The following OTUD5 variants were observed in gnomAD, a reference collection of about 807,000 sequenced individuals.
OTUD5 encodes the protein OTU deubiquitinase 5, also known as OTU domain-containing protein 5.
Under a neutral mutation model 36.3 loss-of-function variants are expected in OTUD5, and 2 were observed. The observed-to-expected ratio is 0.06, with a 90% CI of 0.02 to 0.17. The LOEUF is 0.17. OTUD5 is among the 10% of genes least tolerant of loss of function. The probability of loss-of-function intolerance (pLI) is 1.00; values close to 1 mark genes in which losing one functional copy is unlikely to be tolerated. For missense variants in OTUD5, 233 were observed against 512.3 expected, an observed-to-expected ratio of 0.45 and a Z score of 5.26; for synonymous variants, 234 against 214.9, an observed-to-expected ratio of 1.09 and a Z score of -0.78.
intron 5 of OTUD5, among the ~76,000 whole-genome samples, chrX:48,927,853 C>T (rs1381280370): frequency 8.9e-6 from 1 of 111,931 alleles, no homozygotes; most frequent in Non-Finnish European, 1.9e-5. Flanking sequence ...TTTCAGGTCA[C>T]CAGCCCCCAT....
chrX:48,923,560 T>G (rs1557046860), intron 8 of OTUD5, 73 bp downstream of exon 8: 4 of 793,246 alleles, frequency 5.0e-6, no homozygotes, highest in Non-Finnish European at 7.5e-6. Context: ...AAAGCCCCTC[T>G]CAGGACTTGC....
intron 2 of OTUD5, among the ~76,000 whole-genome samples, chrX:48,942,137 C>A (rs1557051197): frequency 1.8e-5 from 2 of 109,206 alleles, no homozygotes; most frequent in Non-Finnish European, 1.9e-5. Context: ...CACACACACA[C>A]AAATACTGCT....
intron 5 of OTUD5, among the ~76,000 whole-genome samples, chrX:48,932,565 G>A (rs957704825): frequency 9.0e-6 from 1 of 110,740 alleles, no homozygotes; most frequent in Admixed American, 9.6e-5. Context: ...CTGACCTCAG[G>A]AGATCCTCCC....
At chrX:48,932,525 C>T (rs970330020) in intron 5 of OTUD5, among the ~76,000 whole-genome samples, 2 of 110,196 alleles carry the variant, frequency 1.8e-5, no homozygotes, top group Admixed American at 1.9e-4. Flanking sequence ...AACAGGGTTT[C>T]ATCATGTTGG....
intron 2 of OTUD5, among the ~76,000 whole-genome samples, chrX:48,943,506 T>C (rs985273648): frequency 2.7e-5 from 3 of 111,241 alleles, no homozygotes; most frequent in Non-Finnish European, 5.7e-5. Context: ...GTGGGCGGGA[T>C]AGTGATGAAA....
chrX:48,949,574 A>G (rs1449267945), intron 1 of OTUD5, among the ~76,000 whole-genome samples: 3 of 111,789 alleles, frequency 2.7e-5, no homozygotes, highest in Non-Finnish European at 5.7e-5. Context: ...ACTACTCAGG[A>G]GGCTGAGGCA....
At chrX:48,952,571 G>A (rs1557054183) in intron 1 of OTUD5, among the ~76,000 whole-genome samples, 1 of 112,254 alleles carries the variant, frequency 8.9e-6, no homozygotes, top group East Asian at 2.8e-4. Flanking sequence ...AATCCCCAAA[G>A]GCCAAGGGGT....
Position 48,941,432 on chromosome X carries a change from CAAAAAAAAAAAAAAAAAAAAAAAAAA to C in OTUD5, c.688+2732_688+2757del, listed in dbSNP as rs200040194. Among the ~76,000 whole-genome samples the C allele has an allele frequency of 1.2e-3, 37 of 31,939 alleles. 2 individuals carry two copies. In the East Asian group the frequency reaches 0.037, roughly 32 times the overall value. The allele number at this position is 31,939 out of a possible 115,157, so 27.7% of individuals were successfully genotyped here. A position where few individuals can be genotyped will look rare whatever the true frequency, so the allele number is the denominator to read the frequency against. The stretch of plus-strand genomic sequence containing the variant: ...TGGGCGACAGAGGGAGACTCCATCT[CAAAAAAAAAAAAAAAAAAAAAAAAAA>C]AAAAAAAAAAAAGAATGCGTGTCCT... On this transcript the variant is annotated intron_variant, in intron 2 of 8. Coordinates refer to ENST00000376488, the MANE Select transcript of OTUD5 (RefSeq NM_001136157.2).
At chrX:48,949,084 G>A (rs1487526794) in intron 1 of OTUD5, among the ~76,000 whole-genome samples, 3 of 111,755 alleles carry the variant, frequency 2.7e-5, no homozygotes, top group Non-Finnish European at 5.6e-5. Context: ...CCCAATAATA[G>A]GGATGCTGGG....
At chrX:48,949,653 G>A (rs1319970217) in intron 1 of OTUD5, among the ~76,000 whole-genome samples, 1 of 111,101 alleles carries the variant, frequency 9.0e-6, no homozygotes, top group Admixed American at 9.6e-5. Context: ...ACTCCAGCCT[G>A]GGTGACACAG....
intron 6 of OTUD5, 138 bp downstream of exon 6, chrX:48,925,709 A>G (rs1348731401): frequency 4.0e-6 from 2 of 496,492 alleles, no homozygotes; most frequent in Non-Finnish European, 3.4e-6. Context: ...ACTAAGACCA[A>G]GATGAGTTAC....
intron 5 of OTUD5, among the ~76,000 whole-genome samples, chrX:48,932,547 T>C (rs1222276420): frequency 1.8e-5 from 2 of 110,758 alleles, no homozygotes; most frequent in Non-Finnish European, 3.8e-5. Flanking sequence ...CAGGCTGGTC[T>C]CGAACTCCTG....
intron 1 of OTUD5, among the ~76,000 whole-genome samples, chrX:48,956,767 A>T (rs1233984315): frequency 3.6e-5 from 4 of 111,322 alleles, no homozygotes; most frequent in African/African-American, 1.3e-4. Context: ...CGGATCTTTA[A>T]GTCTGACACC....
In OTUD5 at chrX:48,957,511, C is replaced by A; in HGVS notation, c.60G>T (p.Pro20=). 1 of 828,452 alleles carries A rather than the reference C, an allele frequency of 1.2e-6. No homozygotes were observed. The highest frequency in any genetic ancestry group is 1.5e-6 in the Non-Finnish European group (1 of 679,408). The allele number at this position is 828,452 out of a possible 1,213,427, so 68.3% of individuals were successfully genotyped here. ...PPPDADPANE[P]PPPGPMPPAP... ...CCGGGGGCATCGGCCCGGGCGGCGG[C>A]GGCTCGTTGGCGGGGTCGGCGTCGG... The change falls in exon 1 of 9, where the codon CCG becomes CCT. Residue 20 remains proline (P), a synonymous_variant. Transcript: ENST00000376488.
chrX:48,935,486 C>T (rs1358460127), intron 2 of OTUD5, among the ~76,000 whole-genome samples: 1 of 109,937 alleles, frequency 9.1e-6, no homozygotes, highest in Non-Finnish European at 1.9e-5. Context: ...GTCAACATGG[C>T]CTTTGTAGGC....
At chrX:48,935,201 G>A (rs993494940) in intron 2 of OTUD5, among the ~76,000 whole-genome samples, 183 bp from the exon 3 acceptor site, 1 of 112,026 alleles carries the variant, frequency 8.9e-6, no homozygotes, top group Non-Finnish European at 1.9e-5. Context: ...TGGCAGGCAG[G>A]GCCAGACTTG....
At chrX:48,924,126 G>A (rs2063626299) in intron 6 of OTUD5, 74 bp from the exon 7 acceptor site, 6 of 984,579 alleles carry the variant, frequency 6.1e-6, no homozygotes, top group Non-Finnish European at 6.9e-6. Context: ...CCTGAATGCT[G>A]GCTCCCTTCC....
chrX:48,944,363 G>T, intron 1 of OTUD5, 80 bp from the exon 2 acceptor site: 2 of 618,581 alleles, frequency 3.2e-6, no homozygotes, highest in South Asian at 2.4e-5. Flanking sequence ...CTCCCGAGAG[G>T]CCTAGATCAT....
chrX:48,941,432 CAAAAAAAAAAAAAAAAAAAAAAAAA>C lies in OTUD5; in HGVS notation c.688+2733_688+2757del, dbSNP rs200040194. On this transcript the variant is annotated intron_variant, in intron 2 of 8. Transcript: ENST00000376488. ...TGGGCGACAGAGGGAGACTCCATCT[CAAAAAAAAAAAAAAAAAAAAAAAAA>C]AAAAAAAAAAAAAGAATGCGTGTCC... Among the ~76,000 whole-genome samples, 55 of 31,942 alleles carry C rather than the reference CAAAAAAAAAAAAAAAAAAAAAAAAA, an allele frequency of 1.7e-3. 1 individual carries two copies. Among genetic ancestry groups the C allele is most frequent in the African/African-American group, 8.6e-4 (6 of 6,940 alleles). The allele number at this position is 31,942 out of a possible 115,157, so 27.7% of individuals were successfully genotyped here. A position where few individuals can be genotyped will look rare whatever the true frequency, so the allele number is the denominator to read the frequency against.
Sources: gnomAD v4.1 joint callset for allele counts (sites outside exome capture counted in the v4.1 genomes callset) on GRCh38, gnomAD v4.1.1 for gene constraint, MANE v1.5 for transcripts, NCBI Gene and HGNC (gene_info 2026-07-23, HGNC 2026-07-21) for gene names.